COG2: variants seen among roughly 807,000 people sequenced by gnomAD.
COG2 encodes component of oligomeric golgi complex 2.
A neutral mutation model predicts 90.6 loss-of-function variants in COG2; 52 were observed. The ratio of observed to expected loss-of-function variants is 0.57; its 90% CI spans 0.46 to 0.72. The LOEUF (loss-of-function observed/expected upper bound fraction) is 0.72, where lower values mean the gene tolerates loss of function less well. Ranked by LOEUF, COG2 falls within the 30% of genes least tolerant of loss-of-function variation. COG2 has a pLI of 0.00. For synonymous variants in COG2, 337 were observed against 320.4 expected (o/e 1.05, Z -0.55); for missense variants, 829 against 891.2 (o/e 0.93, Z 0.89).
chr1:230,647,347 C>T (rs1661812852), intron 1 of COG2, among the ~76,000 whole-genome samples: 1 of 152,246 alleles, frequency 6.6e-6, no homozygotes, highest in East Asian at 1.9e-4. Flanking sequence ...TTCTGAGGCT[C>T]ATCTGTATTC....
At chr1:230,685,901 C>T (rs1662874201) in intron 12 of COG2, among the ~76,000 whole-genome samples, 1 of 152,044 alleles carries the variant, frequency 6.6e-6, no homozygotes, top group Non-Finnish European at 1.5e-5. Flanking sequence ...CCAGTCATCG[C>T]AGTGTGAGGA....
chr1:230,693,445 T>C lies in COG2; in HGVS notation c.*52T>C. The C allele has an allele frequency of 8.4e-7, 1 of 1,189,106 alleles. No individual in the cohort carries two copies. Among genetic ancestry groups the C allele is most frequent in the Non-Finnish European group, 1.2e-6 (1 of 812,344 alleles). The allele number at this position is 1,189,106 out of a possible 1,614,324, so 73.7% of individuals were successfully genotyped here. A position where few individuals can be genotyped will look rare whatever the true frequency, so the allele number is the denominator to read the frequency against. On this transcript the variant is annotated 3_prime_UTR_variant, in exon 18 of 18. Transcript: ENST00000366669. ...TTCTTAAGCAAGAGAAGAGTTGGACTTCCAGGCTGAAGGGGAGAAAGTGAC... is the reference window on the plus strand; with the variant it reads ...TTCTTAAGCAAGAGAAGAGTTGGACCTCCAGGCTGAAGGGGAGAAAGTGAC...
rs192417579 is a variant in COG2 at position 230,693,244 on chromosome 1, A to G, written c.2116-48A>G. 6.2e-5 allele frequency: 69 copies of G among 1,106,136 alleles called. No individual in the cohort carries two copies. In the East Asian group the frequency reaches 1.4e-3, roughly 23 times the overall value. 68.5% of individuals were successfully genotyped at this position (1,106,136 alleles called of 1,614,324 possible). A position where few individuals can be genotyped will look rare whatever the true frequency, so the allele number is the denominator to read the frequency against. ...TTCTTTCTTTTTTTTCCCCCCCCAT[A>G]TTCAGCTTGAATTGCAGTAACATAA... On this transcript the variant is annotated intron_variant, in intron 17 of 17. Transcript: ENST00000366669.
chr1:230,654,892 CTGTT>C (rs773999083), intron 1 of COG2, among the ~76,000 whole-genome samples: 2 of 152,128 alleles, frequency 1.3e-5, no homozygotes, highest in African/African-American at 2.4e-5. Context: ...ATTTGGCTCT[CTGTT>C]TGTCTGTTAT....
Position 230,683,647 on chromosome 1 carries a change from A to T in COG2, c.1228+12A>T, listed in dbSNP as rs766421570. 1.9e-6 allele frequency: 3 copies of T among 1,585,628 alleles called. No homozygotes were observed. Among genetic ancestry groups the T allele is most frequent in the Non-Finnish European group, 2.6e-6 (3 of 1,154,462 alleles). The stretch of plus-strand genomic sequence containing the variant: ...GGAAGATGCCCCAGGTAACTCCCTT[A>T]AAGTGATAAGTGGCATGGTATCCTA... On this transcript the variant is annotated intron_variant, in intron 11 of 17. Coordinates refer to ENST00000366669, the MANE Select transcript of COG2 (RefSeq NM_007357.3).
At chr1:230,679,543 T>C (rs1662681961) in intron 10 of COG2, 1 of 152,352 alleles carries the variant, frequency 6.6e-6, no homozygotes, top group Non-Finnish European at 1.5e-5. Flanking sequence ...ATGAGAAGCC[T>C]GGTCATTATT....
chr1:230,674,913 C>A (rs1180978407), intron 8 of COG2, 85 bp from the exon 9 acceptor site: 3 of 1,065,260 alleles, frequency 2.8e-6, no homozygotes, highest in Non-Finnish European at 3.9e-6. Flanking sequence ...GACTGCGGAT[C>A]TTTTGGCAGA....
intron 10 of COG2, 113 bp downstream of exon 10, chr1:230,679,165 C>T (rs966139506): frequency 1.2e-5 from 12 of 1,018,220 alleles, no homozygotes; most frequent in Non-Finnish European, 1.5e-5. Context: ...TCATAATAAG[C>T]TTTGGGAGAC....
chr1:230,679,254 T>C (rs1662674616), intron 10 of COG2: 2 of 484,842 alleles, frequency 4.1e-6, no homozygotes, highest in African/African-American at 1.9e-5. Flanking sequence ...AGATAAGTTT[T>C]CTTTTTTGGT....
chr1:230,671,738 T>G, intron 8 of COG2, 98 bp downstream of exon 8: 1 of 1,079,830 alleles, frequency 9.3e-7, no homozygotes, highest in Non-Finnish European at 1.4e-6. Context: ...TTGTATGAAC[T>G]GTCTTGTATG....
intron 1 of COG2, among the ~76,000 whole-genome samples, chr1:230,645,583 A>G (rs967715655): frequency 1.3e-5 from 2 of 152,174 alleles, no homozygotes; most frequent in Non-Finnish European, 2.9e-5. Flanking sequence ...CAATTTTTCC[A>G]TGGACCAGGA....
intron 16 of COG2, chr1:230,690,380 G>C: frequency 2.3e-6 from 1 of 440,404 alleles, no homozygotes. Flanking sequence ...TCGGGGCCGG[G>C]CCATGTGCAC....
intron 9 of COG2, among the ~76,000 whole-genome samples, 165 bp downstream of exon 9, chr1:230,675,289 A>G (rs1051068263): frequency 2.0e-5 from 3 of 152,230 alleles, no homozygotes; most frequent in African/African-American, 7.2e-5. Flanking sequence ...TTTATCCAAG[A>G]TATGATGTAT....
intron 5 of COG2, among the ~76,000 whole-genome samples, chr1:230,667,786 AGGGACATTTTTCCTCCCTAACT>A (rs543437517): frequency 0.012 from 1,813 of 152,314 alleles, 16 homozygotes; most frequent in Non-Finnish European, 0.019. Context: ...TCCTCATGAT[AGGGACATTTTTCCTCCCTAACT>A]GGTGATGAGC....
At chr1:230,659,653 A>G (rs899197145) in intron 2 of COG2, 28 bp downstream of exon 2, 2 of 1,598,170 alleles carry the variant, frequency 1.3e-6, no homozygotes, top group African/African-American at 2.7e-5. Flanking sequence ...GGTCCCATTT[A>G]CATACATACA....
chr1:230,671,661 TG>T, intron 8 of COG2, 21 bp downstream of exon 8: 1 of 1,610,996 alleles, frequency 6.2e-7, no homozygotes, highest in Admixed American at 1.7e-5. Context: ...CAACCCTGTG[TG>T]GACCCCCACC....
intron 11 of COG2, 57 bp downstream of exon 11, chr1:230,683,692 C>G (rs954521636): frequency 1.7e-6 from 2 of 1,161,740 alleles, no homozygotes; most frequent in Non-Finnish European, 2.6e-6. Flanking sequence ...ATTCAGTTCA[C>G]CAAGTCATCT....
intron 1 of COG2, among the ~76,000 whole-genome samples, chr1:230,649,867 C>G (rs1438545402): frequency 1.3e-5 from 2 of 152,176 alleles, no homozygotes; most frequent in Non-Finnish European, 1.5e-5. Context: ...CAGCCCTCAT[C>G]TTCCTCCAGC....
At chr1:230,678,576 T>C (rs1662655541) in intron 9 of COG2, 1 of 1,219,412 alleles carries the variant, frequency 8.2e-7, no homozygotes. Flanking sequence ...TGACGAACTA[T>C]GTCATTTAAT....
Sources: gnomAD v4.1 joint callset for allele counts (sites outside exome capture counted in the v4.1 genomes callset) on GRCh38, gnomAD v4.1.1 for gene constraint, MANE v1.5 for transcripts, NCBI Gene and HGNC (gene_info 2026-07-23, HGNC 2026-07-21) for gene names.